The following SNX9 variants were observed in gnomAD, a reference collection of about 807,000 sequenced individuals.
SNX9 encodes the protein sorting nexin-9.
SNX9 carries 44 observed loss-of-function variants against 89.4 expected under a neutral mutation model. The observed-to-expected ratio is 0.49, with a 90% CI of 0.39 to 0.63. The LOEUF (loss-of-function observed/expected upper bound fraction) is 0.63, where lower values mean the gene tolerates loss of function less well. Among genes scored for constraint, SNX9 ranks in the 30% least tolerant of loss-of-function variants. The probability of loss-of-function intolerance (pLI) is 0.00; values close to 1 mark genes in which losing one functional copy is unlikely to be tolerated. For synonymous variants in SNX9, 236 were observed against 247.8 expected, an observed-to-expected ratio of 0.95 and a Z score of 0.45; for missense variants, 578 against 736.1, an observed-to-expected ratio of 0.79 and a Z score of 2.49.
chr6:157,919,108 T>C (rs1444790748), intron 9 of SNX9, among the ~76,000 whole-genome samples: 1 of 152,236 alleles, frequency 6.6e-6, no homozygotes, highest in East Asian at 1.9e-4. Flanking sequence ...CTTTTTAGCC[T>C]GAAGGACTTC....
chr6:157,825,589 G>T (rs1368750434), intron 1 of SNX9, among the ~76,000 whole-genome samples: 1 of 152,216 alleles, frequency 6.6e-6, no homozygotes. Context: ...AATTCCAGTA[G>T]TTCTGTTAGT....
intron 1 of SNX9, among the ~76,000 whole-genome samples, chr6:157,856,063 A>G (rs748558262): frequency 6.6e-6 from 1 of 151,960 alleles, no homozygotes; most frequent in Non-Finnish European, 1.5e-5. Context: ...ATTGATTTTT[A>G]TCTTGTTTAT....
rs1012844414 is a variant in SNX9, at chr6:157,831,560, T to G, written c.12+8114T>G. 1.4e-4 allele frequency among the ~76,000 whole-genome samples: 21 copies of G among 152,256 alleles called. 1 individual carries two copies. Among genetic ancestry groups the G allele is most frequent in the Non-Finnish European group, 1.6e-4 (11 of 68,024 alleles). ...AGCTTGTAGCTTAATACAGGACACT[T>G]TGTGTGTTGCCTCCCCTGCCCCCAC... is the stretch of plus-strand genomic sequence containing the variant. On this transcript the variant is annotated intron_variant, in intron 1 of 17. Coordinates refer to ENST00000392185, the MANE Select transcript of SNX9 (RefSeq NM_016224.5).
intron 4 of SNX9, among the ~76,000 whole-genome samples, chr6:157,880,908 T>C (rs1199877032): frequency 6.6e-6 from 1 of 152,118 alleles, no homozygotes; most frequent in Non-Finnish European, 1.5e-5. Context: ...TTGGAAAAAG[T>C]AAATGAAAAA....
chr6:157,911,969 T>G (rs1020464827), intron 9 of SNX9, among the ~76,000 whole-genome samples: 2 of 152,290 alleles, frequency 1.3e-5, no homozygotes, highest in Non-Finnish European at 2.9e-5. Flanking sequence ...TCCCTCGTGG[T>G]GCTGGGGCGG....
chr6:157,901,480 A>G (rs984164679), intron 5 of SNX9, among the ~76,000 whole-genome samples: 5 of 152,170 alleles, frequency 3.3e-5, no homozygotes, highest in African/African-American at 1.2e-4. Context: ...CAGGTCTTCC[A>G]TTTAGGTCTG....
At chr6:157,831,982 C>T (rs1781486920) in intron 1 of SNX9, among the ~76,000 whole-genome samples, 2 of 152,218 alleles carry the variant, frequency 1.3e-5, no homozygotes, top group Admixed American at 6.5e-5. Context: ...ACCAAACCTT[C>T]AGTCAAGCTG....
chr6:157,943,220 C>G lies in SNX9; in HGVS notation c.*382C>G, dbSNP rs1334224259. 1.3e-5 allele frequency: 2 copies of G among 159,924 alleles called. No homozygotes were observed. The highest frequency in any genetic ancestry group is 2.7e-5 in the Non-Finnish European group (2 of 73,396). 9.9% of individuals were successfully genotyped at this position (159,924 alleles called of 1,614,324 possible). ...GTCTCCCACAATCTTCCAGTTCTTA[C>G]CCAGTGTCAGATAATTAATTACTAA... is the stretch of plus-strand genomic sequence containing the variant. On this transcript the variant is annotated 3_prime_UTR_variant, in exon 18 of 18. Transcript: ENST00000392185.
At chr6:157,837,200 A>T (rs1781601401) in intron 1 of SNX9, among the ~76,000 whole-genome samples, 1 of 152,236 alleles carries the variant, frequency 6.6e-6, no homozygotes, top group South Asian at 2.1e-4. Context: ...TGTTGTCAGT[A>T]ACTTTTCAGT....
At chr6:157,833,645 C>G (rs577540040) in intron 1 of SNX9, among the ~76,000 whole-genome samples, 1 of 152,306 alleles carries the variant, frequency 6.6e-6, no homozygotes, top group Non-Finnish European at 1.5e-5. Flanking sequence ...TTACCTGCCA[C>G]CATGTGCCTT....
chr6:157,857,813 G>A (rs1782042343), intron 1 of SNX9, among the ~76,000 whole-genome samples: 1 of 151,786 alleles, frequency 6.6e-6, no homozygotes, highest in African/African-American at 2.4e-5. Context: ...TGATGATATT[G>A]GGGCTTCTCA....
At chr6:157,922,775 A>G (rs1035312432) in intron 10 of SNX9, among the ~76,000 whole-genome samples, 1 of 152,184 alleles carries the variant, frequency 6.6e-6, no homozygotes, top group African/African-American at 2.4e-5. Context: ...TCTCCTCACC[A>G]TGTCTTATGA....
chr6:157,890,494 TGCTCC>T (rs1185588915), intron 4 of SNX9, among the ~76,000 whole-genome samples: 2 of 152,240 alleles, frequency 1.3e-5, no homozygotes, highest in Non-Finnish European at 2.9e-5. Flanking sequence ...GTTAGTATAT[TGCTCC>T]TGGGCCTAAA....
intron 1 of SNX9, among the ~76,000 whole-genome samples, chr6:157,834,147 GTGGTTTTTTTTT>G (rs1781527451): frequency 2.8e-5 from 2 of 71,232 alleles, no homozygotes; most frequent in Admixed American, 1.5e-4. Flanking sequence ...GGTGTCCACT[GTGGTTTTTTTTT>G]TTTTTTTTTT....
intron 1 of SNX9, among the ~76,000 whole-genome samples, chr6:157,851,540 C>T (rs527666067): frequency 2.0e-5 from 3 of 152,266 alleles, no homozygotes; most frequent in African/African-American, 7.2e-5. Flanking sequence ...ATTCTACTTT[C>T]TGGCTTCATT....
intron 1 of SNX9, among the ~76,000 whole-genome samples, chr6:157,825,538 T>G (rs889850194): frequency 6.6e-6 from 1 of 151,742 alleles, no homozygotes; most frequent in Non-Finnish European, 1.5e-5. Flanking sequence ...AAAGCATGCG[T>G]AAGGACTTCC....
intron 9 of SNX9, among the ~76,000 whole-genome samples, chr6:157,915,640 A>AATATATATATATATATATAT (rs1411739606): frequency 1.8e-4 from 17 of 94,990 alleles, no homozygotes; most frequent in East Asian, 4.7e-4. Context: ...AAAAAAAAAA[A>AATATATATATATATATATAT]ATATATATAT....
rs2115097562 is a variant in SNX9 at position 157,823,374 on chromosome 6, G to C, written c.-61G>C. On this transcript the variant is annotated 5_prime_UTR_variant, in exon 1 of 18. Coordinates refer to ENST00000392185, the MANE Select transcript of SNX9 (RefSeq NM_016224.5). This position sits in a 1 kb window ranked among gnomAD's most constrained non-coding sequence, Gnocchi z 4.6. ...CCCTTGCCTTTGCCTGCGCGGCTCA[G>C]AATCACCATCCGCGGCGCGGGAGAC... is the stretch of plus-strand genomic sequence containing the variant. 1 of 1,268,562 alleles carries C rather than the reference G, an allele frequency of 7.9e-7. No individual in the cohort carries two copies. Among genetic ancestry groups the C allele is most frequent in the Non-Finnish European group, 1.0e-6 (1 of 999,050 alleles). 78.6% of individuals were successfully genotyped at this position (1,268,562 alleles called of 1,614,324 possible). A position where few individuals can be genotyped will look rare whatever the true frequency, so the allele number is the denominator to read the frequency against.
intron 1 of SNX9, among the ~76,000 whole-genome samples, chr6:157,843,337 C>T (rs917337063): frequency 6.6e-6 from 1 of 152,144 alleles, no homozygotes; most frequent in Non-Finnish European, 1.5e-5. Context: ...CTACTAATAG[C>T]CTGCTGTTGA....
Sources: allele counts gnomAD v4.1 joint callset (sites outside exome capture counted in the v4.1 genomes callset), GRCh38; gene constraint gnomAD v4.1.1; non-coding constraint Gnocchi (gnomAD v3.1); transcripts MANE v1.5; gene names NCBI Gene and HGNC (gene_info 2026-07-23, HGNC 2026-07-21).